Variants in ROBO1 observed in about 807,000 individuals in gnomAD.
ROBO1 encodes the protein roundabout guidance receptor 1, also known as roundabout homolog 1.
ROBO1 carries 149 observed loss-of-function variants against 195.9 expected under a neutral mutation model. The observed-to-expected ratio is 0.76, with a 90% CI of 0.67 to 0.87. The LOEUF is 0.87. Among genes scored for constraint, ROBO1 ranks in the 40% least tolerant of loss-of-function variants. The probability of loss-of-function intolerance (pLI) is 0.00; values close to 1 mark genes in which losing one functional copy is unlikely to be tolerated. For synonymous variants in ROBO1, 816 were observed against 733.2 expected (o/e 1.11, Z -1.82); for missense variants, 1,933 against 2,068.3 (o/e 0.93, Z 1.27).
chr3:79,032,633 T>C (rs1385126138), intron 3 of ROBO1, among the ~76,000 whole-genome samples: 1 of 152,046 alleles, frequency 6.6e-6, no homozygotes, highest in South Asian at 2.1e-4. Context: ...TCTCTAAAGA[T>C]TGGATAACAT....
intron 3 of ROBO1, among the ~76,000 whole-genome samples, chr3:79,017,268 C>T (rs1457165911): frequency 6.6e-6 from 1 of 151,834 alleles, no homozygotes; most frequent in African/African-American, 2.4e-5. Context: ...CCTTTTCTTA[C>T]TCTGTTAACT....
intron 18 of ROBO1, 123 bp from the exon 19 acceptor site, chr3:78,652,052 A>T: frequency 2.7e-6 from 2 of 739,640 alleles, no homozygotes; most frequent in South Asian, 1.8e-5. Flanking sequence ...CTCTCACACC[A>T]CTCACCATCA....
At chr3:79,196,656 T>C (rs1482491672) in intron 2 of ROBO1, among the ~76,000 whole-genome samples, 3 of 151,726 alleles carry the variant, frequency 2.0e-5, no homozygotes, top group African/African-American at 7.2e-5. Context: ...CTGAGCCTCA[T>C]AGGAGAAGAG....
chr3:79,375,743 C>A (rs942472502), intron 2 of ROBO1, among the ~76,000 whole-genome samples: 1 of 152,136 alleles, frequency 6.6e-6, no homozygotes, highest in Non-Finnish European at 1.5e-5. Context: ...GCTATATTAA[C>A]AATGTTAAGA....
intron 1 of ROBO1, among the ~76,000 whole-genome samples, chr3:79,603,657 C>T (rs1944402947): frequency 1.3e-5 from 2 of 152,118 alleles, no homozygotes; most frequent in East Asian, 1.9e-4. Flanking sequence ...TGGTCTAATG[C>T]TCAGACCTGT....
intron 2 of ROBO1, among the ~76,000 whole-genome samples, chr3:79,193,581 C>CTGT (rs2081579319): frequency 1.2e-5 from 1 of 85,626 alleles, no homozygotes; most frequent in Non-Finnish European, 2.3e-5. Context: ...TGTGGTTTTG[C>CTGT]TTTTTTTTTT....
intron 8 of ROBO1, among the ~76,000 whole-genome samples, chr3:78,709,685 A>G (rs1015409132): frequency 6.6e-6 from 1 of 152,156 alleles, no homozygotes; most frequent in South Asian, 2.1e-4. Flanking sequence ...CATGTTTTGA[A>G]ATGATCATTA....
chr3:78,878,475 C>T (rs1042058334), intron 4 of ROBO1, among the ~76,000 whole-genome samples: 2 of 147,924 alleles, frequency 1.4e-5, no homozygotes, highest in Non-Finnish European at 3.0e-5. Flanking sequence ...ATTCCAGCTA[C>T]TTGTGAGGCT....
chr3:79,442,387 C>T (rs912095457), intron 2 of ROBO1, among the ~76,000 whole-genome samples: 4 of 152,134 alleles, frequency 2.6e-5, no homozygotes, highest in Non-Finnish European at 1.5e-5. Context: ...GTGGAAATTA[C>T]TCAGACTTTT....
intron 1 of ROBO1, among the ~76,000 whole-genome samples, chr3:79,742,416 C>T (rs1470400046): frequency 6.6e-5 from 10 of 152,220 alleles, no homozygotes; most frequent in East Asian, 3.9e-4. Context: ...TTCAGGCTGC[C>T]GCTTCAGAGG....
rs1248731940 is a variant in ROBO1 at position 79,189,882 on chromosome 3, A to G, written c.89-64343T>C. ...ATGATATAGAATTTATAAATTGAACAGGTACATTAGAACGTTAAGAGAATA... is the reference window on the plus strand; with the variant it reads ...ATGATATAGAATTTATAAATTGAACGGGTACATTAGAACGTTAAGAGAATA... On this transcript the variant is annotated intron_variant, in intron 2 of 30. Transcript: ENST00000464233. Among the ~76,000 whole-genome samples, 4 of 151,874 alleles carry G rather than the reference A, an allele frequency of 2.6e-5. No individual in the cohort carries two copies. The East Asian group carries it at 7.7e-4, about 29-fold the overall frequency.
chr3:78,824,611 A>C lies in ROBO1; in HGVS notation c.500-77711T>G, dbSNP rs144367952. 4.9e-3 allele frequency among the ~76,000 whole-genome samples: 749 copies of C among 152,334 alleles called. 8 individuals carry two copies. The highest frequency in any genetic ancestry group is 0.017 in the African/African-American group (710 of 41,580). ...TGAAACTTAAGAAAATAAGTTTTGG[A>C]ATGAAATAAACTTAGAATCAAGTCC... On this transcript the variant is annotated intron_variant, in intron 4 of 30. Coordinates refer to ENST00000464233, the MANE Select transcript of ROBO1 (RefSeq NM_002941.4).
At chr3:78,716,494 A>G (rs1055247650) in intron 7 of ROBO1, among the ~76,000 whole-genome samples, 7 of 152,198 alleles carry the variant, frequency 4.6e-5, no homozygotes, top group Admixed American at 1.3e-4. Context: ...CTATGATTCA[A>G]TCATCTCCAA....
Position 78,606,814 on chromosome 3 carries a change from C to T in ROBO1, c.4663G>A (p.Glu1555Lys), listed in dbSNP as rs1222854966. ...CGTCCTTTCCCGTCATTTTGCTGTTCCTGTGCTTCTCTGGGATCACCTGGA... is the reference window on the plus strand; with the variant it reads ...CGTCCTTTCCCGTCATTTTGCTGTTTCTGTGCTTCTCTGGGATCACCTGGA... ...TNPGDPREAQ[E>K]QQNDGKGRGN... Residue 1555 changes from glutamate to lysine, a missense_variant, in exon 29 of 31, where the codon GAA becomes AAA. Transcript: ENST00000464233. The T allele has an allele frequency of 1.5e-5, 24 of 1,613,720 alleles. No homozygotes were observed. In the African/African-American group the frequency reaches 2.8e-4, roughly 19 times the overall value.
intron 2 of ROBO1, among the ~76,000 whole-genome samples, chr3:79,169,130 G>GC (rs1328094894): frequency 6.6e-6 from 1 of 152,128 alleles, no homozygotes; most frequent in Non-Finnish European, 1.5e-5. Context: ...CCAAAGAATA[G>GC]CAAGGCTATG....
At chr3:78,762,765 T>C (rs577637304) in intron 4 of ROBO1, among the ~76,000 whole-genome samples, 3 of 152,236 alleles carry the variant, frequency 2.0e-5, no homozygotes, top group African/African-American at 7.2e-5. Flanking sequence ...ACTTAATTTA[T>C]TGTCTTTACT....
intron 2 of ROBO1, among the ~76,000 whole-genome samples, chr3:79,430,547 A>G (rs910764225): frequency 6.6e-6 from 1 of 152,124 alleles, no homozygotes; most frequent in African/African-American, 2.4e-5. Context: ...CTGAAGTGCT[A>G]ATTGGGAACA....
At chr3:78,967,651 T>C (rs934057599) in intron 3 of ROBO1, among the ~76,000 whole-genome samples, 6 of 152,202 alleles carry the variant, frequency 3.9e-5, no homozygotes, top group South Asian at 2.1e-4. Flanking sequence ...TGGAGTTCTA[T>C]AGCTGTAGGG....
intron 2 of ROBO1, among the ~76,000 whole-genome samples, chr3:79,463,710 C>T (rs1937785917): frequency 6.6e-6 from 1 of 152,118 alleles, no homozygotes; most frequent in African/African-American, 2.4e-5. Flanking sequence ...TAAAGGAATA[C>T]TGAAATAGTT....
Sources: gnomAD v4.1 joint callset for allele counts (sites outside exome capture counted in the v4.1 genomes callset) on GRCh38, gnomAD v4.1.1 for gene constraint, MANE v1.5 for transcripts, NCBI Gene and HGNC (gene_info 2026-07-23, HGNC 2026-07-21) for gene names.